The following BMP2K variants were observed in gnomAD, a reference collection of about 807,000 sequenced individuals.
BMP2K encodes the protein BMP-2-inducible protein kinase.
A neutral mutation model predicts 116.0 loss-of-function variants in BMP2K; 74 were observed. The observed-to-expected ratio is 0.64, with a 90% CI of 0.53 to 0.77. BMP2K has a LOEUF of 0.77. Among genes scored for constraint, BMP2K ranks in the 30% least tolerant of loss-of-function variants. The pLI is 0.00. For synonymous variants in BMP2K, 486 were observed against 502.5 expected, an observed-to-expected ratio of 0.97 and a Z score of 0.44; for missense variants, 1,365 against 1,403.6, an observed-to-expected ratio of 0.97 and a Z score of 0.44.
chr4:78,845,385 T>G (rs958482347), intron 5 of BMP2K, among the ~76,000 whole-genome samples: 10 of 151,816 alleles, frequency 6.6e-5, no homozygotes, highest in African/African-American at 2.4e-4. Context: ...TTGTCCTTGT[T>G]AAGAAAAAGT....
At chr4:78,784,814 G>A (rs1727659839) in intron 1 of BMP2K, among the ~76,000 whole-genome samples, 2 of 152,132 alleles carry the variant, frequency 1.3e-5, no homozygotes, top group African/African-American at 4.8e-5. Flanking sequence ...CCTCTAACTT[G>A]CATTGTGACG....
intron 1 of BMP2K, among the ~76,000 whole-genome samples, chr4:78,780,353 G>A (rs1727446613): frequency 6.6e-6 from 1 of 152,100 alleles, no homozygotes; most frequent in Non-Finnish European, 1.5e-5. Flanking sequence ...GGTGTTGGGG[G>A]TTATTGGATT....
At chr4:78,853,870 T>C (rs1731374571) in intron 7 of BMP2K, among the ~76,000 whole-genome samples, 1 of 152,168 alleles carries the variant, frequency 6.6e-6, no homozygotes, top group African/African-American at 2.4e-5. Context: ...TAAAAACTAG[T>C]ACTACAACTA....
At chr4:78,886,770 T>G (rs912205669) in intron 14 of BMP2K, among the ~76,000 whole-genome samples, 3 of 152,200 alleles carry the variant, frequency 2.0e-5, no homozygotes, top group African/African-American at 7.2e-5. Flanking sequence ...GAAGTAAGAT[T>G]TACCTACTTT....
chr4:78,892,793 T>TA (rs1246199016), intron 15 of BMP2K, among the ~76,000 whole-genome samples: 1 of 152,132 alleles, frequency 6.6e-6, no homozygotes, highest in African/African-American at 2.4e-5. Flanking sequence ...ATATTATGTC[T>TA]AAAAAAATGT....
At chr4:78,886,192 A>G (rs978128262) in intron 14 of BMP2K, among the ~76,000 whole-genome samples, 5 of 152,144 alleles carry the variant, frequency 3.3e-5, no homozygotes, top group Non-Finnish European at 4.4e-5. Flanking sequence ...AGGAAAAGAT[A>G]ATCATTACTA....
At chr4:78,910,491 C>A in intron 15 of BMP2K, 119 bp from the exon 16 acceptor site, 1 of 826,232 alleles carries the variant, frequency 1.2e-6, no homozygotes. Flanking sequence ...ATTATTTTTT[C>A]CTCTAAGGGA....
intron 8 of BMP2K, chr4:78,860,014 AG>A (rs1223573053): frequency 5.9e-6 from 3 of 511,360 alleles, no homozygotes; most frequent in Middle Eastern, 3.2e-4. Context: ...CAGGACTGTT[AG>A]TTTTTTTTTT....
chr4:78,890,067 A>G (rs188795018), intron 15 of BMP2K, among the ~76,000 whole-genome samples: 1 of 152,100 alleles, frequency 6.6e-6, no homozygotes, highest in African/African-American at 2.4e-5. Context: ...ATTAGTATAT[A>G]CTTTTTTCTG....
At chr4:78,795,573 A>G (rs989254177) in intron 1 of BMP2K, among the ~76,000 whole-genome samples, 1 of 152,158 alleles carries the variant, frequency 6.6e-6, no homozygotes, top group Non-Finnish European at 1.5e-5. Context: ...CTGCACAGCA[A>G]AAGAAACTAC....
Position 78,914,765 on chromosome 4 carries a change from T to C in BMP2K, c.*2732T>C, listed in dbSNP as rs1734903687. 6.6e-6 allele frequency: 1 copy of C among 151,492 alleles called. No homozygotes were observed. The highest frequency in any genetic ancestry group is 2.4e-5 in the African/African-American group (1 of 41,288). 9.4% of individuals were successfully genotyped at this position (151,492 alleles called of 1,614,324 possible). On this transcript the variant is annotated 3_prime_UTR_variant, in exon 16 of 16. Coordinates refer to ENST00000502613, the MANE Select transcript of BMP2K (RefSeq NM_198892.2). ...TTGGGGTTTTTTTTCCCTAATATTATTTGGGTGTCCCCTGTGCTTCTTTAG... is the reference window on the plus strand; with the variant it reads ...TTGGGGTTTTTTTTCCCTAATATTACTTGGGTGTCCCCTGTGCTTCTTTAG...
chr4:78,796,607 T>G (rs1232847060), intron 1 of BMP2K, among the ~76,000 whole-genome samples: 1 of 152,160 alleles, frequency 6.6e-6, no homozygotes, highest in African/African-American at 2.4e-5. Flanking sequence ...TACTTAATAG[T>G]TATAAGGCCA....
chr4:78,831,296 A>G (rs1220453910), intron 2 of BMP2K, among the ~76,000 whole-genome samples: 1 of 152,250 alleles, frequency 6.6e-6, no homozygotes, highest in Non-Finnish European at 1.5e-5. Context: ...TGTTATAATA[A>G]TGGCAAAGTT....
At chr4:78,796,466 G>A (rs1204580008) in intron 1 of BMP2K, among the ~76,000 whole-genome samples, 2 of 151,914 alleles carry the variant, frequency 1.3e-5, no homozygotes, top group Admixed American at 6.6e-5. Context: ...CAGCGCACCA[G>A]CATGGCACAT....
At chr4:78,835,049 T>C (rs1340663948) in intron 3 of BMP2K, among the ~76,000 whole-genome samples, 1 of 152,180 alleles carries the variant, frequency 6.6e-6, no homozygotes, top group African/African-American at 2.4e-5. Context: ...AGCCCTTGAC[T>C]ACTTGTAACT....
At chr4:78,876,876 G>A (rs532582904) in intron 13 of BMP2K, among the ~76,000 whole-genome samples, 46 of 152,250 alleles carry the variant, frequency 3.0e-4, no homozygotes, top group African/African-American at 1.1e-3. Flanking sequence ...CACAAACTTA[G>A]ATGGTATAGC....
In BMP2K at chr4:78,787,473, A is replaced by G. The variant is rs189956567; in HGVS notation, c.178+10752A>G. Among the ~76,000 whole-genome samples the G allele has an allele frequency of 3.3e-5, 5 of 152,250 alleles. No individual in the cohort carries two copies. The East Asian group carries it at 9.7e-4, about 29-fold the overall frequency. On this transcript the variant is annotated intron_variant, in intron 1 of 15. Coordinates refer to ENST00000502613, the MANE Select transcript of BMP2K (RefSeq NM_198892.2). ...CTAGCCTGAATTCCCTTGAGCCACT[A>G]CCGTTAGACAGAGTGGGAGCTGGGT...
At chr4:78,854,565 G>A (rs763789658) in intron 7 of BMP2K, among the ~76,000 whole-genome samples, 97 of 152,084 alleles carry the variant, frequency 6.4e-4, no homozygotes, top group South Asian at 2.7e-3. Context: ...GAGGCACTGC[G>A]CCCGGCCATG....
At chr4:78,823,480 ATATATATAGTTTTGTATATATAGT>A (rs1369357826) in intron 1 of BMP2K, among the ~76,000 whole-genome samples, 1 of 148,364 alleles carries the variant, frequency 6.7e-6, no homozygotes, top group Non-Finnish European at 1.5e-5. Context: ...TCTCTCATAT[ATATATATAGTTTTGTATATATAGT>A]TATATATAGT....
Sources: allele counts gnomAD v4.1 joint callset (sites outside exome capture counted in the v4.1 genomes callset), GRCh38; gene constraint gnomAD v4.1.1; transcripts MANE v1.5; gene names NCBI Gene and HGNC (gene_info 2026-07-23, HGNC 2026-07-21).